MVB12B: variants seen among roughly 807,000 people sequenced by gnomAD.
MVB12B encodes ESCRT-I complex subunit MVB12B.
A neutral mutation model predicts 41.6 loss-of-function variants in MVB12B; 16 were observed. The ratio of observed to expected loss-of-function variants is 0.38; its 90% CI spans 0.26 to 0.58. The LOEUF (loss-of-function observed/expected upper bound fraction) is 0.58, where lower values mean the gene tolerates loss of function less well. Ranked by LOEUF, MVB12B falls within the 20% of genes least tolerant of loss-of-function variation. MVB12B has a pLI of 0.62. For missense variants in MVB12B, 274 were observed against 380.2 expected, an observed-to-expected ratio of 0.72 and a Z score of 2.32; for synonymous variants, 133 against 139.7, an observed-to-expected ratio of 0.95 and a Z score of 0.34.
chr9:126,427,704 C>G (rs1286906809), intron 7 of MVB12B, among the ~76,000 whole-genome samples: 2 of 152,180 alleles, frequency 1.3e-5, no homozygotes, highest in East Asian at 3.8e-4. Flanking sequence ...CTCGAACACC[C>G]TATGAATGCA....
chr9:126,377,235 A>G (rs912939550), intron 2 of MVB12B, among the ~76,000 whole-genome samples: 2 of 152,152 alleles, frequency 1.3e-5, no homozygotes, highest in African/African-American at 4.8e-5. Flanking sequence ...TGGGGAAGAA[A>G]TGCTAGGAGA....
intron 2 of MVB12B, among the ~76,000 whole-genome samples, chr9:126,346,037 G>A (rs190736734): frequency 5.3e-4 from 80 of 152,302 alleles, no homozygotes; most frequent in African/African-American, 1.9e-3. Flanking sequence ...TGGGCAGGTG[G>A]GTGAGACCAG....
At chr9:126,358,866 C>T (rs1032697108) in intron 2 of MVB12B, among the ~76,000 whole-genome samples, 1 of 152,130 alleles carries the variant, frequency 6.6e-6, no homozygotes, top group Non-Finnish European at 1.5e-5. Flanking sequence ...CTTGCCTTTT[C>T]CCAAATCTTA....
chr9:126,355,359 C>T (rs1301946665), intron 2 of MVB12B, among the ~76,000 whole-genome samples: 4 of 152,200 alleles, frequency 2.6e-5, no homozygotes, highest in East Asian at 1.9e-4. Context: ...GTGAGGCCCA[C>T]GTGCATAGAG....
At chr9:126,435,181 C>T (rs1395836058) in intron 7 of MVB12B, among the ~76,000 whole-genome samples, 55 of 152,052 alleles carry the variant, frequency 3.6e-4, no homozygotes, top group Admixed American at 3.6e-3. Flanking sequence ...AGAGGGCACT[C>T]CAGAAGTGGA....
chr9:126,429,980 TCTTCGCACACCTGCATTCTCA>T (rs1318871453), intron 7 of MVB12B, among the ~76,000 whole-genome samples: 6 of 152,180 alleles, frequency 3.9e-5, no homozygotes, highest in African/African-American at 7.2e-5. Context: ...GTGGGACCTC[TCTTCGCACACCTGCATTCTCA>T]CTTAGAATGC....
At chr9:126,444,092 C>T (rs1832708604) in intron 7 of MVB12B, among the ~76,000 whole-genome samples, 1 of 152,188 alleles carries the variant, frequency 6.6e-6, no homozygotes, top group African/African-American at 2.4e-5. Context: ...GTCATTAGGT[C>T]AGGTGGTCGT....
chr9:126,355,557 C>G (rs916613854), intron 2 of MVB12B, among the ~76,000 whole-genome samples: 2 of 152,224 alleles, frequency 1.3e-5, no homozygotes, highest in Non-Finnish European at 2.9e-5. Flanking sequence ...TAACTTAAGG[C>G]CTGCTGGCTT....
At chr9:126,454,940 C>T (rs1343794390) in intron 7 of MVB12B, among the ~76,000 whole-genome samples, 1 of 152,112 alleles carries the variant, frequency 6.6e-6, no homozygotes, top group East Asian at 1.9e-4. Context: ...TCTTCCCTTC[C>T]CTCCTGTGAG....
At position 126,470,173 on chromosome 9, in the gene MVB12B, A is replaced by G. The variant is rs552921110; in HGVS notation, c.758-11196A>G. On this transcript the variant is annotated intron_variant, in intron 7 of 9. Coordinates refer to ENST00000361171, the MANE Select transcript of MVB12B (RefSeq NM_033446.3). The stretch of plus-strand genomic sequence containing the variant: ...TTCCCATAAAAACAGGAGTGCAGCC[A>G]TATTAAATTACATAACCCAGGGGCT... Among the ~76,000 whole-genome samples, 9 of 152,328 alleles carry G rather than the reference A, an allele frequency of 5.9e-5. No homozygotes were observed. In the East Asian group the frequency reaches 1.5e-3, roughly 26 times the overall value.
At chr9:126,374,336 G>C (rs1391081408) in intron 2 of MVB12B, among the ~76,000 whole-genome samples, 1 of 152,246 alleles carries the variant, frequency 6.6e-6, no homozygotes, top group Non-Finnish European at 1.5e-5. Flanking sequence ...AACCAGGGAG[G>C]CTGCTTACAT....
rs1391111716 is a variant in MVB12B, at chr9:126,473,598, C to T, written c.758-7771C>T. 6.6e-6 allele frequency among the ~76,000 whole-genome samples: 1 copy of T among 152,148 alleles called. No homozygotes were observed. The highest frequency in any genetic ancestry group is 2.4e-5 in the African/African-American group (1 of 41,436). Reference sequence around the variant, plus strand: ...CAGAGCAGGAACAAGAATGCCAGAGCAGGAACAAGAAAGCCAAAGAGCGGA... The same window carrying T: ...CAGAGCAGGAACAAGAATGCCAGAGTAGGAACAAGAAAGCCAAAGAGCGGA... On this transcript the variant is annotated intron_variant, in intron 7 of 9. Transcript: ENST00000361171. The surrounding 1 kb of genome is among the most constrained non-coding windows in gnomAD (Gnocchi z 4.0).
chr9:126,352,873 A>G (rs976624814), intron 2 of MVB12B, among the ~76,000 whole-genome samples: 1 of 152,236 alleles, frequency 6.6e-6, no homozygotes, highest in Admixed American at 6.5e-5. Context: ...CAGCCTTAAT[A>G]TTATATATAT....
intron 7 of MVB12B, among the ~76,000 whole-genome samples, chr9:126,448,997 C>T (rs552834056): frequency 8.5e-5 from 13 of 152,198 alleles, no homozygotes; most frequent in African/African-American, 2.2e-4. Context: ...CGCTAGGCAG[C>T]GTGGCATAGA....
intron 6 of MVB12B, among the ~76,000 whole-genome samples, chr9:126,419,496 G>A (rs1036753179): frequency 1.3e-5 from 2 of 152,186 alleles, no homozygotes; most frequent in African/African-American, 4.8e-5. Flanking sequence ...GCCTCGAGGG[G>A]CGTTGTGAGG....
intron 7 of MVB12B, among the ~76,000 whole-genome samples, chr9:126,445,886 T>G (rs1399880669): frequency 1.3e-5 from 2 of 152,222 alleles, no homozygotes; most frequent in African/African-American, 4.8e-5. Flanking sequence ...ACTGGGATTT[T>G]CTTGGAAGAC....
intron 7 of MVB12B, among the ~76,000 whole-genome samples, chr9:126,431,942 T>G (rs973409304): frequency 5.3e-5 from 8 of 152,184 alleles, no homozygotes; most frequent in African/African-American, 1.9e-4. Flanking sequence ...GTCTGGTGTT[T>G]AAGGTGGAGG....
In MVB12B at chr9:126,421,943, T is replaced by C. The variant is rs1282083425; in HGVS notation, c.752T>C (p.Ile251Thr). Residue 251 changes from isoleucine (I) to threonine (T), a missense_variant, in exon 7 of 10, where the codon ATA (isoleucine) becomes ACA (threonine). Coordinates refer to ENST00000361171, the MANE Select transcript of MVB12B (RefSeq NM_033446.3). ...TACCAGCACTCCAATTTGTATGCCA[T>C]ATCAGGTATGTGGAGCCACCGCTGC... Reference protein sequence around the residue: ...YEYQHSNLYAISAMDGVPFMI... With the variant: ...YEYQHSNLYATSAMDGVPFMI... 6.2e-7 allele frequency: 1 copy of C among 1,612,864 alleles called. No homozygotes were observed. The highest frequency in any genetic ancestry group is 8.5e-7 in the Non-Finnish European group (1 of 1,179,088).
chr9:126,398,182 G>A (rs1214224797), intron 6 of MVB12B, among the ~76,000 whole-genome samples: 1 of 151,850 alleles, frequency 6.6e-6, no homozygotes, highest in Non-Finnish European at 1.5e-5. Context: ...CCTGGGCTGG[G>A]CCTGTGCTGG....
Sources: allele counts gnomAD v4.1 joint callset (sites outside exome capture counted in the v4.1 genomes callset), GRCh38; gene constraint gnomAD v4.1.1; non-coding constraint Gnocchi (gnomAD v3.1); transcripts MANE v1.5; gene names NCBI Gene and HGNC (gene_info 2026-07-23, HGNC 2026-07-21).